PABPC4L: variants seen among roughly 807,000 people sequenced by gnomAD.
PABPC4L encodes the protein poly(A) binding protein cytoplasmic 4 like.
For synonymous variants in PABPC4L, 169 were observed against 164.1 expected (o/e 1.03, Z -0.23); for missense variants, 452 against 451.4 (o/e 1.00, Z -0.01).
chr4:134,172,393 G>A, the PABPC4L span, among the ~76,000 whole-genome samples: 5 of 152,008 alleles, frequency 3.3e-5, no homozygotes, highest in African/African-American at 1.2e-4. Context: ...CTTTGACAAA[G>A]TTGACCAACT....
the PABPC4L span, among the ~76,000 whole-genome samples, chr4:133,999,367 G>C: frequency 6.6e-6 from 1 of 152,074 alleles, no homozygotes; most frequent in African/African-American, 2.4e-5. Context: ...GAATTGATAT[G>C]ATTCCAATGC....
chr4:133,963,805 C>A, the PABPC4L span, among the ~76,000 whole-genome samples: 1 of 151,978 alleles, frequency 6.6e-6, no homozygotes, highest in Non-Finnish European at 1.5e-5. Flanking sequence ...CCTATCAAAA[C>A]CTCTGGGTTA....
chr4:134,143,701 AG>A, the PABPC4L span, among the ~76,000 whole-genome samples: 5 of 151,466 alleles, frequency 3.3e-5, no homozygotes, highest in Non-Finnish European at 7.4e-5. Context: ...AGAGTTTATA[AG>A]AACAATATGT....
the PABPC4L span, among the ~76,000 whole-genome samples, chr4:134,181,651 A>T: frequency 1.3e-5 from 2 of 151,964 alleles, no homozygotes; most frequent in African/African-American, 4.8e-5. Context: ...GCTCCTAGAT[A>T]TGATAAACTA....
the PABPC4L span, among the ~76,000 whole-genome samples, chr4:134,040,193 A>T: frequency 6.8e-6 from 1 of 147,984 alleles, no homozygotes. Flanking sequence ...ATTGATTTTC[A>T]TCACAGAATT....
At chr4:134,178,267 G>T in the PABPC4L span, among the ~76,000 whole-genome samples, 1 of 150,750 alleles carries the variant, frequency 6.6e-6, no homozygotes, top group Non-Finnish European at 1.5e-5. Context: ...AGTGGAGGAG[G>T]TTCCTCCAAG....
the PABPC4L span, among the ~76,000 whole-genome samples, chr4:134,156,944 T>C: frequency 6.6e-6 from 1 of 151,898 alleles, no homozygotes; most frequent in Non-Finnish European, 1.5e-5. Flanking sequence ...TTCCCTCAAA[T>C]TCTTCTCCCT....
chr4:134,050,976 T>C, the PABPC4L span, among the ~76,000 whole-genome samples: 1 of 151,942 alleles, frequency 6.6e-6, no homozygotes, highest in Non-Finnish European at 1.5e-5. Context: ...ACACATTATA[T>C]TTTGGGACAT....
At chr4:134,074,150 T>G in the PABPC4L span, among the ~76,000 whole-genome samples, 1 of 152,310 alleles carries the variant, frequency 6.6e-6, no homozygotes, top group African/African-American at 2.4e-5. Context: ...TTTTGAACTT[T>G]TATGCTCTGC....
At chr4:134,157,265 G>GTTT in the PABPC4L span, among the ~76,000 whole-genome samples, 1 of 141,598 alleles carries the variant, frequency 7.1e-6, no homozygotes. Flanking sequence ...AATGCTCTTA[G>GTTT]TTTTTTTTTT....
At chr4:134,017,569 GTAAA>G in the PABPC4L span, among the ~76,000 whole-genome samples, 1 of 152,146 alleles carries the variant, frequency 6.6e-6, no homozygotes, top group Non-Finnish European at 1.5e-5. Context: ...AACTCTTAAA[GTAAA>G]TAAATAATCT....
chr4:134,200,539 GT>G lies in PABPC4L; in HGVS notation c.480del (p.Lys160AsnfsTer35). On this transcript the variant is annotated frameshift_variant, in exon 2 of 2. Transcript: ENST00000421491. LOFTEE classifies it low-confidence loss of function (END_TRUNC). ...ADRAIEEMNG[K>X]LLKGCKVFVG... ...ACAAACACCTTGCAGCCCTTGAGTAGTTTTCCATTCATCTCCTCAATGGCCC... is the reference window on the plus strand; with the variant it reads ...ACAAACACCTTGCAGCCCTTGAGTAGTTTCCATTCATCTCCTCAATGGCCC... The G allele has an allele frequency of 6.4e-7, 1 of 1,551,610 alleles. No individual in the cohort carries two copies. Among genetic ancestry groups the G allele is most frequent in the Non-Finnish European group, 8.7e-7 (1 of 1,146,968 alleles).
At chr4:134,030,750 C>T in the PABPC4L span, among the ~76,000 whole-genome samples, 1 of 151,854 alleles carries the variant, frequency 6.6e-6, no homozygotes, top group African/African-American at 2.4e-5. Context: ...TAATATTTTG[C>T]ATATGCCCTA....
the PABPC4L span, among the ~76,000 whole-genome samples, chr4:134,131,817 A>T: frequency 6.7e-6 from 1 of 149,418 alleles, no homozygotes; most frequent in African/African-American, 2.5e-5. Flanking sequence ...TTCACACTTT[A>T]CTGTAAGGTT....
the PABPC4L span, among the ~76,000 whole-genome samples, chr4:134,144,527 G>GA: frequency 7.1e-6 from 1 of 141,216 alleles, no homozygotes; most frequent in Non-Finnish European, 1.5e-5. Flanking sequence ...CAGGGACACA[G>GA]AAAAAAATAA....
the PABPC4L span, among the ~76,000 whole-genome samples, chr4:134,058,972 A>G: frequency 1.3e-5 from 2 of 152,036 alleles, no homozygotes; most frequent in Admixed American, 6.6e-5. Flanking sequence ...ACACCTCAAA[A>G]AATCAAATTG....
the PABPC4L span, among the ~76,000 whole-genome samples, chr4:134,074,809 C>T: frequency 6.6e-6 from 1 of 152,048 alleles, no homozygotes; most frequent in African/African-American, 2.4e-5. Context: ...ATAAAACTAC[C>T]AGATCTTGTG....
chr4:134,180,973 C>T, the PABPC4L span, among the ~76,000 whole-genome samples: 1 of 151,854 alleles, frequency 6.6e-6, no homozygotes, highest in Non-Finnish European at 1.5e-5. Context: ...TGGTAACATT[C>T]CTACTGAAAC....
the PABPC4L span, among the ~76,000 whole-genome samples, chr4:134,033,255 C>T: frequency 6.6e-6 from 1 of 151,690 alleles, no homozygotes; most frequent in Non-Finnish European, 1.5e-5. Context: ...AGACTGTAAA[C>T]TTAATTGATA....
Sources: allele counts gnomAD v4.1 joint callset (sites outside exome capture counted in the v4.1 genomes callset), GRCh38; gene constraint gnomAD v4.1.1; transcripts MANE v1.5; gene names NCBI Gene and HGNC (gene_info 2026-07-23, HGNC 2026-07-21).